The following SLC2A9 variants were observed in gnomAD, a reference collection of about 807,000 sequenced individuals.
SLC2A9 encodes solute carrier family 2, facilitated glucose transporter member 9.
SLC2A9 carries 39 observed loss-of-function variants against 50.6 expected under a neutral mutation model. The observed-to-expected ratio is 0.77, with a 90% CI of 0.60 to 1.01. The LOEUF (loss-of-function observed/expected upper bound fraction) is 1.01. Ranked by LOEUF, SLC2A9 falls within the 50% of genes least tolerant of loss-of-function variation. The pLI is 0.00. For synonymous variants in SLC2A9, 324 were observed against 276.9 expected (o/e 1.17, Z -1.69); for missense variants, 686 against 677.6 (o/e 1.01, Z -0.14).
At chr4:9,782,031 T>C (rs1718473367) in intron 3 of SLC2A9, 3 of 1,458,544 alleles carry the variant, frequency 2.1e-6, no homozygotes, top group Non-Finnish European at 2.7e-6. Flanking sequence ...CAGCCCGAAA[T>C]GCTGCCGCCA....
chr4:9,953,058 T>A (rs1418671457), intron 5 of SLC2A9, among the ~76,000 whole-genome samples: 3 of 152,236 alleles, frequency 2.0e-5, no homozygotes, highest in Admixed American at 2.0e-4. Flanking sequence ...TTTAATGTTC[T>A]ATATCCAAGT....
intron 8 of SLC2A9, among the ~76,000 whole-genome samples, chr4:9,907,290 T>C (rs908870272): frequency 5.9e-5 from 9 of 152,326 alleles, no homozygotes; most frequent in African/African-American, 1.7e-4. Context: ...AGCTCAGAGA[T>C]GTTGAGTGCA....
At chr4:9,947,069 C>T (rs1347108102) in intron 5 of SLC2A9, among the ~76,000 whole-genome samples, 1 of 152,178 alleles carries the variant, frequency 6.6e-6, no homozygotes, top group African/African-American at 2.4e-5. Context: ...TATTTCTCTC[C>T]TCCTTCCTAC....
At chr4:9,812,455 A>G (rs1160313922) in intron 3 of SLC2A9, among the ~76,000 whole-genome samples, 2 of 151,948 alleles carry the variant, frequency 1.3e-5, no homozygotes, top group Admixed American at 1.3e-4. Flanking sequence ...AAAGAGGATT[A>G]TATGTGTGAA....
chr4:9,879,157 T>A (rs1178591463), intron 10 of SLC2A9: 6 of 506,154 alleles, frequency 1.2e-5, no homozygotes, highest in Non-Finnish European at 1.4e-5. Context: ...GCCATTGTAA[T>A]GGGGTGGGGG....
chr4:9,832,760 C>CT lies in SLC2A9; in HGVS notation c.1419+2120dup, dbSNP rs146969418. On this transcript the variant is annotated intron_variant, in intron 11 of 11. Transcript: ENST00000264784. Reference sequence around the variant, plus strand: ...TACTACATCTCTCTGAGCTCATCCCCTTGCCTGTCAAAGGGAGTGATACAG... The same window carrying CT: ...TACTACATCTCTCTGAGCTCATCCCCTTTGCCTGTCAAAGGGAGTGATACAG... Among the ~76,000 whole-genome samples, 830 of 152,334 alleles carry CT rather than the reference C, an allele frequency of 5.4e-3. 6 individuals carry two copies. The highest frequency in any genetic ancestry group is 0.019 in the African/African-American group (798 of 41,572).
chr4:9,850,638 G>A (rs552584171), intron 10 of SLC2A9, among the ~76,000 whole-genome samples: 17 of 152,106 alleles, frequency 1.1e-4, no homozygotes, highest in East Asian at 1.9e-4. Context: ...GGCTCCCACT[G>A]GTGTGCACCA....
At chr4:10,024,039 C>T (rs1421802147), upstream of SLC2A9, among the ~76,000 whole-genome samples, 1 of 152,212 alleles carries the variant, frequency 6.6e-6, no homozygotes, top group Non-Finnish European at 1.5e-5. Context: ...TTATGAAGCT[C>T]CTACTCATTC....
At chr4:9,997,794 T>C (rs1028437287) in intron 2 of SLC2A9, among the ~76,000 whole-genome samples, 2 of 150,388 alleles carry the variant, frequency 1.3e-5, no homozygotes, top group African/African-American at 4.9e-5. Context: ...AAAAAAATGC[T>C]CATTTGAATA....
rs376990050 is a variant in SLC2A9 at position 9,980,700 on chromosome 4, C to G, written c.573G>C (p.Glu191Asp). 33 of 1,614,034 alleles carry G rather than the reference C, an allele frequency of 2.0e-5. No homozygotes were observed. The highest frequency in any genetic ancestry group is 2.8e-5 in the Non-Finnish European group (33 of 1,180,030). The change falls in exon 5 of 12, where the codon GAG (glutamate) becomes GAC (aspartate). Residue 191 changes from glutamate to aspartate, a missense_variant. Transcript: ENST00000264784. ...AGCCACGGATCTCCTTGGGTGAGATCTCACTAAGGTACATGGGGAGCACAC... is the reference window on the plus strand; with the variant it reads ...AGCCACGGATCTCCTTGGGTGAGATGTCACTAAGGTACATGGGGAGCACAC... The part of the protein sequence containing the change: ...ALSVLPMYLS[E>D]ISPKEIRGSL...
chr4:9,818,652 G>A (rs1038419221), intron 3 of SLC2A9, among the ~76,000 whole-genome samples: 11 of 152,240 alleles, frequency 7.2e-5, no homozygotes, highest in African/African-American at 4.8e-5. Context: ...AGGCCTAGTG[G>A]GGAAGAGTGC....
chr4:9,773,516 G>A (rs1717121643), intron 1 of SLC2A9, among the ~76,000 whole-genome samples: 1 of 152,210 alleles, frequency 6.6e-6, no homozygotes, highest in Middle Eastern at 3.2e-3. Flanking sequence ...AGTTCAAATA[G>A]AAGAATATTT....
intron 5 of SLC2A9, among the ~76,000 whole-genome samples, chr4:9,947,218 G>C (rs1040156226): frequency 6.6e-6 from 1 of 152,188 alleles, no homozygotes; most frequent in Non-Finnish European, 1.5e-5. Context: ...GGGTTCTGGA[G>C]TGTCCCAACC....
At chr4:9,862,958 T>A (rs1395773377) in intron 10 of SLC2A9, among the ~76,000 whole-genome samples, 13 of 152,054 alleles carry the variant, frequency 8.5e-5, no homozygotes, top group Admixed American at 7.9e-4. Flanking sequence ...CAACCTTGCT[T>A]TTCCAGCTCC....
chr4:9,835,467 C>T (rs1726891323), intron 10 of SLC2A9, among the ~76,000 whole-genome samples: 1 of 152,208 alleles, frequency 6.6e-6, no homozygotes, highest in African/African-American at 2.4e-5. Context: ...AGATCTACAC[C>T]TGGGTGTTTC....
chr4:9,817,982 GT>G (rs1723854731), intron 3 of SLC2A9, among the ~76,000 whole-genome samples: 1 of 152,206 alleles, frequency 6.6e-6, no homozygotes, highest in South Asian at 2.1e-4. Flanking sequence ...GCTAGGCACT[GT>G]TTTGAGTGAC....
intron 8 of SLC2A9, among the ~76,000 whole-genome samples, chr4:9,904,256 C>A (rs1472396211): frequency 6.6e-6 from 1 of 152,212 alleles, no homozygotes; most frequent in Non-Finnish European, 1.5e-5. Flanking sequence ...GCAGTGCAAA[C>A]ACGATGGTGT....
intron 10 of SLC2A9, among the ~76,000 whole-genome samples, chr4:9,876,833 A>G (rs1428250039): frequency 1.3e-5 from 2 of 152,164 alleles, no homozygotes; most frequent in African/African-American, 4.8e-5. Context: ...GTTAATTCTC[A>G]CCTTCTGTAC....
chr4:10,009,515 T>C (rs1351613775), intron 2 of SLC2A9: 3 of 152,194 alleles, frequency 2.0e-5, no homozygotes, highest in African/African-American at 7.2e-5. Flanking sequence ...GAATATACCA[T>C]TTATGCTGGG....
Sources: allele counts gnomAD v4.1 joint callset (sites outside exome capture counted in the v4.1 genomes callset), GRCh38; gene constraint gnomAD v4.1.1; transcripts MANE v1.5; gene names NCBI Gene and HGNC (gene_info 2026-07-23, HGNC 2026-07-21).